PTCHD4: variants seen among roughly 807,000 people sequenced by gnomAD.
PTCHD4 encodes the protein patched domain containing 4, also known as patched domain-containing protein 4.
PTCHD4 carries 33 observed loss-of-function variants against 58.1 expected under a neutral mutation model. That is an observed-to-expected ratio of 0.57 (90% CI 0.43 to 0.76). The LOEUF (loss-of-function observed/expected upper bound fraction) is 0.76, where lower values mean the gene tolerates loss of function less well. PTCHD4 is among the 30% of genes least tolerant of loss of function. PTCHD4 has a pLI of 0.00. For synonymous variants in PTCHD4, 478 were observed against 409.6 expected, an observed-to-expected ratio of 1.17 and a Z score of -2.02; for missense variants, 1,058 against 1,027.1, an observed-to-expected ratio of 1.03 and a Z score of -0.41.
In PTCHD4 at chr6:48,008,680, A is replaced by G. The variant is rs568578916; in HGVS notation, c.852T>C (p.Asp284=). The change falls in exon 4 of 5, where the codon GAT becomes GAC. Residue 284 remains aspartate, a synonymous_variant. Transcript: ENST00000339488. ...CCAGCAGGGTGGAGTTGTACTTTCC[A>G]TCGGTGATGAAGAAGATCCCTGCTG... ...ITAAGIFFIT[D]GKYNSTLLGI... The G allele has an allele frequency of 8.1e-6, 13 of 1,613,532 alleles. 1 individual carries two copies. In the South Asian group the frequency reaches 1.4e-4, roughly 18 times the overall value.
chr6:47,940,416 A>G (rs1766169160), intron 4 of PTCHD4, among the ~76,000 whole-genome samples: 2 of 152,286 alleles, frequency 1.3e-5, no homozygotes, highest in African/African-American at 2.4e-5. Context: ...TCCTAAAAAA[A>G]TTATTTAAAA....
chr6:48,062,685 A>G (rs1764671294), intron 3 of PTCHD4, among the ~76,000 whole-genome samples: 1 of 152,186 alleles, frequency 6.6e-6, no homozygotes, highest in Non-Finnish European at 1.5e-5. Flanking sequence ...GCCAGGAAAA[A>G]TATGTACAAT....
chr6:47,865,601 G>A lies in PTCHD4; in HGVS notation c.*12702C>T, dbSNP rs1459693265. ...TGTTCAGGCCATCTTACAGATATAA[G>A]TTTTGTGAATTGTATTTATTTCTTC... On this transcript the variant is annotated 3_prime_UTR_variant, in exon 5 of 5. Transcript: ENST00000339488. Among the ~76,000 whole-genome samples the A allele has an allele frequency of 6.6e-6, 1 of 151,764 alleles. No individual in the cohort carries two copies. Among genetic ancestry groups the A allele is most frequent in the East Asian group, 1.9e-4 (1 of 5,136 alleles).
chr6:48,072,352 C>T (rs367899059), intron 1 of PTCHD4, among the ~76,000 whole-genome samples: 60 of 152,256 alleles, frequency 3.9e-4, no homozygotes, highest in African/African-American at 1.4e-3. Context: ...TACTTTCTTG[C>T]TTAAATTTTT....
At chr6:47,948,191 C>T (rs879486512) in intron 4 of PTCHD4, among the ~76,000 whole-genome samples, 4 of 152,158 alleles carry the variant, frequency 2.6e-5, no homozygotes, top group Admixed American at 6.5e-5. Context: ...AGTATTGGGG[C>T]CTCCATTTAG....
chr6:47,969,938 C>A (rs1767440094), intron 4 of PTCHD4, among the ~76,000 whole-genome samples: 1 of 151,944 alleles, frequency 6.6e-6, no homozygotes, highest in African/African-American at 2.4e-5. Flanking sequence ...CAAATATAAC[C>A]AAAGTAAATA....
At chr6:47,889,709 T>A (rs968389382) in intron 4 of PTCHD4, among the ~76,000 whole-genome samples, 2 of 151,290 alleles carry the variant, frequency 1.3e-5, no homozygotes, top group African/African-American at 2.4e-5. Context: ...CAATTCAAGA[T>A]GGATTAAAGA....
chr6:48,034,891 T>C (rs1017626382), intron 3 of PTCHD4, among the ~76,000 whole-genome samples: 7 of 152,150 alleles, frequency 4.6e-5, no homozygotes, highest in South Asian at 2.1e-4. Context: ...GAGCATAAGC[T>C]ACCTCGTCAG....
intron 3 of PTCHD4, among the ~76,000 whole-genome samples, chr6:48,016,817 A>G (rs1762884782): frequency 6.6e-6 from 1 of 152,212 alleles, no homozygotes; most frequent in African/African-American, 2.4e-5. Context: ...GTCACAGACA[A>G]TAGTGCAGAG....
intron 1 of PTCHD4, among the ~76,000 whole-genome samples, chr6:48,084,099 G>A (rs1184774844): frequency 6.6e-6 from 1 of 151,782 alleles, no homozygotes; most frequent in Non-Finnish European, 1.5e-5. Flanking sequence ...AAAATTAATT[G>A]CAAATATTAA....
intron 1 of PTCHD4, among the ~76,000 whole-genome samples, chr6:48,085,655 C>T (rs1482439494): frequency 6.6e-6 from 1 of 152,214 alleles, no homozygotes; most frequent in Non-Finnish European, 1.5e-5. Context: ...TGCAATCACT[C>T]ATGATTTTAT....
At chr6:48,109,562 A>C (rs1253164499) in intron 1 of PTCHD4, among the ~76,000 whole-genome samples, 2 of 152,124 alleles carry the variant, frequency 1.3e-5, no homozygotes, top group Non-Finnish European at 2.9e-5. Flanking sequence ...GTGGGACTAC[A>C]TCAAACTAAA....
intron 4 of PTCHD4, among the ~76,000 whole-genome samples, chr6:47,940,312 A>G (rs957093805): frequency 3.3e-5 from 5 of 152,182 alleles, no homozygotes; most frequent in African/African-American, 9.7e-5. Context: ...ATTATGCCCC[A>G]TGCAGTATAA....
chr6:48,105,444 A>G (rs556159056), intron 1 of PTCHD4, among the ~76,000 whole-genome samples: 1 of 152,366 alleles, frequency 6.6e-6, no homozygotes, highest in East Asian at 1.9e-4. Context: ...GGACACTTTA[A>G]AAACAGTGCA....
intron 3 of PTCHD4, among the ~76,000 whole-genome samples, chr6:48,060,270 C>A (rs1196645280): frequency 6.6e-6 from 1 of 152,198 alleles, no homozygotes; most frequent in African/African-American, 2.4e-5. Context: ...GCTCACTCTC[C>A]ATGTCATTAA....
intron 4 of PTCHD4, among the ~76,000 whole-genome samples, chr6:47,892,275 A>C (rs1223550330): frequency 6.6e-6 from 1 of 152,222 alleles, no homozygotes; most frequent in Non-Finnish European, 1.5e-5. Context: ...TATACTTTAA[A>C]AATTAAGACC....
At chr6:48,004,638 C>G (rs1406316321) in intron 4 of PTCHD4, among the ~76,000 whole-genome samples, 1 of 152,082 alleles carries the variant, frequency 6.6e-6, no homozygotes, top group Admixed American at 6.6e-5. Context: ...AAAATTATGG[C>G]CCAGCACGGT....
At chr6:47,917,073 AT>A (rs1396058154) in intron 4 of PTCHD4, among the ~76,000 whole-genome samples, 1 of 152,182 alleles carries the variant, frequency 6.6e-6, no homozygotes, top group Admixed American at 6.5e-5. Flanking sequence ...ACATGATTAT[AT>A]TTTTCAAAAT....
intron 4 of PTCHD4, among the ~76,000 whole-genome samples, chr6:47,905,751 A>C (rs1214830935): frequency 6.6e-6 from 1 of 152,204 alleles, no homozygotes; most frequent in Non-Finnish European, 1.5e-5. Flanking sequence ...GCCCTCGATC[A>C]TGTCACTGAA....
Sources: gnomAD v4.1 joint callset for allele counts (sites outside exome capture counted in the v4.1 genomes callset) on GRCh38, gnomAD v4.1.1 for gene constraint, MANE v1.5 for transcripts, NCBI Gene and HGNC (gene_info 2026-07-23, HGNC 2026-07-21) for gene names.